PPP1R13B: variants seen among roughly 807,000 people sequenced by gnomAD.
PPP1R13B encodes the protein protein phosphatase 1 regulatory subunit 13B, also known as apoptosis-stimulating of p53 protein 1.
PPP1R13B carries 44 observed loss-of-function variants against 119.8 expected under a neutral mutation model. The ratio of observed to expected loss-of-function variants is 0.37; its 90% confidence interval spans 0.29 to 0.47. PPP1R13B has a LOEUF of 0.47. Among genes scored for constraint, PPP1R13B ranks in the 20% least tolerant of loss-of-function variants. PPP1R13B has a pLI of 0.99. For missense variants in PPP1R13B, 1,227 were observed against 1,413.5 expected, an observed-to-expected ratio of 0.87 and a Z score of 2.12; for synonymous variants, 542 against 561.5, an observed-to-expected ratio of 0.97 and a Z score of 0.49.
chr14:103,800,142 T>C (rs545625063), intron 1 of PPP1R13B, among the ~76,000 whole-genome samples: 14 of 152,246 alleles, frequency 9.2e-5, no homozygotes, highest in African/African-American at 3.4e-4. Context: ...ATAAAACATT[T>C]ATGTCTAATC....
intron 3 of PPP1R13B, among the ~76,000 whole-genome samples, chr14:103,781,948 G>A (rs993436091): frequency 1.3e-5 from 2 of 152,014 alleles, no homozygotes; most frequent in South Asian, 2.1e-4. Context: ...CACCGCGCCC[G>A]GCCAAAGGTC....
chr14:103,752,485 T>C (rs1334732417), intron 7 of PPP1R13B, among the ~76,000 whole-genome samples: 2 of 151,610 alleles, frequency 1.3e-5, no homozygotes, highest in African/African-American at 2.4e-5. Context: ...CTGAAGCCAC[T>C]GAATTGTATC....
intron 1 of PPP1R13B, among the ~76,000 whole-genome samples, chr14:103,845,711 TTCAATGCCA>T (rs2087013624): frequency 6.6e-6 from 1 of 152,192 alleles, no homozygotes; most frequent in Non-Finnish European, 1.5e-5. Flanking sequence ...CTAGATATCC[TTCAATGCCA>T]CCACAGTATG....
At chr14:103,838,692 A>G (rs1175311233) in intron 1 of PPP1R13B, among the ~76,000 whole-genome samples, 1 of 152,242 alleles carries the variant, frequency 6.6e-6, no homozygotes, top group Non-Finnish European at 1.5e-5. Flanking sequence ...TCCAGAGGAA[A>G]TAACAGAGCT....
At chr14:103,790,118 C>G (rs1217451814) in intron 2 of PPP1R13B, among the ~76,000 whole-genome samples, 1 of 151,670 alleles carries the variant, frequency 6.6e-6, no homozygotes, top group Non-Finnish European at 1.5e-5. Context: ...TGGTGGCGGG[C>G]GCCTATAATC....
At chr14:103,818,656 G>T (rs1395065801) in intron 1 of PPP1R13B, among the ~76,000 whole-genome samples, 1 of 151,990 alleles carries the variant, frequency 6.6e-6, no homozygotes, top group African/African-American at 2.4e-5. Context: ...CAGGGGTCAC[G>T]CTTATTTTAC....
At chr14:103,818,490 C>A in intron 1 of PPP1R13B, 1 of 982,602 alleles carries the variant, frequency 1.0e-6, no homozygotes, top group Non-Finnish European at 1.2e-6. Context: ...CCTGTTTTCA[C>A]ACAGGGAGAA....
rs188537535 is a variant in PPP1R13B at position 103,759,926 on chromosome 14, C to T, written c.355-2175G>A. On this transcript the variant is annotated intron_variant, in intron 4 of 16. Transcript: ENST00000202556. ...TTTTTCTAAGTACAAAATTAAGATA[C>T]GCCATCTTGTCATAGGTAATTCATT... Among the ~76,000 whole-genome samples the T allele has an allele frequency of 1.6e-3, 238 of 152,242 alleles. 1 individual carries two copies. The highest frequency in any genetic ancestry group is 3.2e-3 in the African/African-American group (134 of 41,538).
chr14:103,761,781 A>AG (rs2084812791), intron 4 of PPP1R13B, among the ~76,000 whole-genome samples: 3 of 151,982 alleles, frequency 2.0e-5, no homozygotes, highest in Admixed American at 6.6e-5. Flanking sequence ...AAAAAGAAAA[A>AG]GAAAAAAAAA....
chr14:103,831,235 G>A (rs1333893713), intron 1 of PPP1R13B, among the ~76,000 whole-genome samples: 2 of 151,320 alleles, frequency 1.3e-5, no homozygotes, highest in South Asian at 2.1e-4. Context: ...GAGCCACTAC[G>A]CCCGGCCTCA....
At chr14:103,806,394 A>C (rs1394393031) in intron 1 of PPP1R13B, among the ~76,000 whole-genome samples, 1 of 152,188 alleles carries the variant, frequency 6.6e-6, no homozygotes, top group East Asian at 1.9e-4. Flanking sequence ...AAGAGAAATA[A>C]GGTGATAAAA....
intron 4 of PPP1R13B, among the ~76,000 whole-genome samples, chr14:103,776,352 T>C (rs1380241618): frequency 1.3e-5 from 2 of 152,098 alleles, no homozygotes; most frequent in Non-Finnish European, 2.9e-5. Context: ...GGGTCACAAA[T>C]ATAGCCAATA....
At chr14:103,754,561 CAAAAAAAAAA>C (rs771794623) in intron 5 of PPP1R13B, among the ~76,000 whole-genome samples, 21 of 41,020 alleles carry the variant, frequency 5.1e-4, no homozygotes, top group Admixed American at 1.7e-3. Context: ...GACTCAGTCT[CAAAAAAAAAA>C]AAAAAAAAAA....
At chr14:103,812,158 C>G (rs1355534453) in intron 1 of PPP1R13B, among the ~76,000 whole-genome samples, 2 of 125,696 alleles carry the variant, frequency 1.6e-5, no homozygotes, top group Non-Finnish European at 3.2e-5. Flanking sequence ...TAGACAGTCT[C>G]TGTCACCCAG....
intron 1 of PPP1R13B, among the ~76,000 whole-genome samples, chr14:103,799,618 T>G (rs1415484582): frequency 5.5e-5 from 2 of 36,132 alleles, no homozygotes; most frequent in South Asian, 5.6e-4. Context: ...GGGTTTTTTG[T>G]TTTTTTTTTT....
intron 4 of PPP1R13B, among the ~76,000 whole-genome samples, chr14:103,774,315 C>G (rs2152008686): frequency 6.6e-6 from 1 of 152,250 alleles, no homozygotes; most frequent in East Asian, 1.9e-4. Context: ...AAAGTTCTTC[C>G]AGGACACCTA....
Position 103,778,830 on chromosome 14 carries a change from A to G in PPP1R13B, c.278-9T>C. 1.9e-6 allele frequency: 3 copies of G among 1,611,014 alleles called. No homozygotes were observed. The highest frequency in any genetic ancestry group is 2.5e-6 in the Non-Finnish European group (3 of 1,177,354). On this transcript the variant is annotated splice_polypyrimidine_tract_variant and intron_variant, in intron 3 of 16. Transcript: ENST00000202556. ...TTGGGTCTGACGGCCACCTAAAGAA[A>G]TAAAAGAACCAAACTCACCAAAAGG...
At chr14:103,822,854 C>T (rs2086443805) in intron 1 of PPP1R13B, among the ~76,000 whole-genome samples, 3 of 152,016 alleles carry the variant, frequency 2.0e-5, no homozygotes, top group Non-Finnish European at 4.4e-5. Context: ...CTGCATTGAA[C>T]AGGAACAAGG....
At chr14:103,799,775 T>C (rs968115928) in intron 1 of PPP1R13B, among the ~76,000 whole-genome samples, 1 of 152,034 alleles carries the variant, frequency 6.6e-6, no homozygotes, top group Non-Finnish European at 1.5e-5. Context: ...AGGCTAGGCA[T>C]GGTGGCTCAC....
Sources: gnomAD v4.1 joint callset for allele counts (sites outside exome capture counted in the v4.1 genomes callset) on GRCh38, gnomAD v4.1.1 for gene constraint, MANE v1.5 for transcripts, NCBI Gene and HGNC (gene_info 2026-07-23, HGNC 2026-07-21) for gene names.